The following ST8SIA6 variants were observed in gnomAD, a reference collection of about 807,000 sequenced individuals.
The protein encoded by ST8SIA6 is alpha-2,8-sialyltransferase 8F.
ST8SIA6 carries 39 observed loss-of-function variants against 33.6 expected under a neutral mutation model. The ratio of observed to expected loss-of-function variants is 1.16; its 90% confidence interval spans 0.90 to 1.52. The LOEUF is 1.52. Ranked by LOEUF, ST8SIA6 falls within the 40% of genes most tolerant of loss-of-function variation. ST8SIA6 has a pLI of 0.00. For missense variants in ST8SIA6, 441 were observed against 443.8 expected (o/e 0.99, Z 0.06); for synonymous variants, 172 against 167.2 (o/e 1.03, Z -0.22).
chr10:17,329,028 G>C (rs1170235539), intron 5 of ST8SIA6, among the ~76,000 whole-genome samples: 1 of 152,188 alleles, frequency 6.6e-6, no homozygotes, highest in South Asian at 2.1e-4. Context: ...ATGTGGTTCT[G>C]AGCAGTCCGG....
intron 2 of ST8SIA6, among the ~76,000 whole-genome samples, chr10:17,416,080 T>G (rs961650719): frequency 2.0e-5 from 3 of 152,094 alleles, no homozygotes; most frequent in Non-Finnish European, 4.4e-5. Context: ...AGGGCTGGGA[T>G]TACAGAGGTG....
intron 2 of ST8SIA6, among the ~76,000 whole-genome samples, chr10:17,425,922 C>A (rs1369707631): frequency 6.6e-6 from 1 of 152,226 alleles, no homozygotes; most frequent in Non-Finnish European, 1.5e-5. Context: ...AATGCCCTAA[C>A]TGCAAGTTCC....
Position 17,319,797 on chromosome 10 carries a change from A to G in ST8SIA6, c.*1081T>C, listed in dbSNP as rs1296346803. 6.6e-6 allele frequency: 1 copy of G among 152,202 alleles called. No homozygotes were observed. The highest frequency in any genetic ancestry group is 1.5e-5 in the Non-Finnish European group (1 of 68,028). 9.4% of individuals were successfully genotyped at this position (152,202 alleles called of 1,614,324 possible). ...ATTTTGTTACTTTTACTAATCAATTACATATTTCTAATATCATCAATGGTT... is the reference window on the plus strand; with the variant it reads ...ATTTTGTTACTTTTACTAATCAATTGCATATTTCTAATATCATCAATGGTT... On this transcript the variant is annotated 3_prime_UTR_variant, in exon 8 of 8. Coordinates refer to ENST00000377602, the MANE Select transcript of ST8SIA6 (RefSeq NM_001004470.3).
chr10:17,427,519 A>T (rs1851976491), intron 2 of ST8SIA6, among the ~76,000 whole-genome samples: 1 of 152,360 alleles, frequency 6.6e-6, no homozygotes, highest in African/African-American at 2.4e-5. Context: ...CTGCACCATC[A>T]CAGCATGAGC....
Position 17,442,731 on chromosome 10 carries a change from T to C in ST8SIA6, c.200+10828A>G, listed in dbSNP as rs562153292. ...TGCCTTTAAGAAATAATTATAGATA[T>C]GGGTTTTCAACTCTGCAGGTTTAAA... On this transcript the variant is annotated intron_variant, in intron 2 of 7. Coordinates refer to ENST00000377602, the MANE Select transcript of ST8SIA6 (RefSeq NM_001004470.3). Among the ~76,000 whole-genome samples, 134 of 152,360 alleles carry C rather than the reference T, an allele frequency of 8.8e-4. 4 individuals carry two copies. The South Asian group carries it at 0.026, about 30-fold the overall frequency.
chr10:17,332,137 G>T (rs920030481), intron 4 of ST8SIA6, among the ~76,000 whole-genome samples: 10 of 152,072 alleles, frequency 6.6e-5, no homozygotes, highest in Non-Finnish European at 1.3e-4. Context: ...TCCTTTTTAT[G>T]GCTGCGTAGC....
intron 2 of ST8SIA6, among the ~76,000 whole-genome samples, chr10:17,422,999 A>G (rs1030872848): frequency 4.4e-4 from 67 of 152,328 alleles, no homozygotes; most frequent in South Asian, 1.0e-3. Context: ...ATCCCGTTCA[A>G]TGTAACAGAA....
chr10:17,346,798 CATCT>C (rs1055398039), intron 4 of ST8SIA6, among the ~76,000 whole-genome samples: 4 of 152,124 alleles, frequency 2.6e-5, no homozygotes, highest in South Asian at 4.1e-4. Flanking sequence ...AACAGTCTAT[CATCT>C]ATCTATCTAT....
At chr10:17,443,373 A>G (rs1488002567) in intron 2 of ST8SIA6, among the ~76,000 whole-genome samples, 1 of 152,234 alleles carries the variant, frequency 6.6e-6, no homozygotes, top group Non-Finnish European at 1.5e-5. Flanking sequence ...GGTTCCAGCA[A>G]CCAGTGAGAG....
Position 17,331,445 on chromosome 10 carries a change from A to T in ST8SIA6, c.485T>A (p.Ile162Asn). The change falls in exon 5 of 8, where the codon ATC becomes AAC. Residue 162 changes from isoleucine to asparagine, a missense_variant. Transcript: ENST00000377602. ...ATGAAAAATGTTCTTCTTAATTGGG[A>T]TTTCTTTTTTGCTTTCCACCTCGTA... is the stretch of plus-strand genomic sequence containing the variant. ...MSYEVESKKE[I>N]PIKKNIFHMF... The T allele has an allele frequency of 2.5e-6, 4 of 1,613,520 alleles. No homozygotes were observed. Among genetic ancestry groups the T allele is most frequent in the Non-Finnish European group, 3.4e-6 (4 of 1,179,780 alleles).
chr10:17,391,825 C>T (rs1242349080), intron 2 of ST8SIA6, among the ~76,000 whole-genome samples: 2 of 152,188 alleles, frequency 1.3e-5, no homozygotes, highest in African/African-American at 4.8e-5. Flanking sequence ...TAACCCACTC[C>T]AGGCATAGAC....
Position 17,318,860 on chromosome 10 carries a change from T to C in ST8SIA6, c.*2018A>G, listed in dbSNP as rs1847852717. On this transcript the variant is annotated 3_prime_UTR_variant, in exon 8 of 8. Coordinates refer to ENST00000377602, the MANE Select transcript of ST8SIA6 (RefSeq NM_001004470.3). ...TGTTCTATCATATTTTAGAAAGTTC[T>C]AAGTAATGTTCTGTTTTGGAACAAA... 1 of 392,858 alleles carries C rather than the reference T, an allele frequency of 2.5e-6. No homozygotes were observed. Among genetic ancestry groups the C allele is most frequent in the Admixed American group, 3.3e-5 (1 of 30,262 alleles). 24.3% of individuals were successfully genotyped at this position (392,858 alleles called of 1,614,324 possible).
chr10:17,335,286 T>C (rs1250822445), intron 4 of ST8SIA6, among the ~76,000 whole-genome samples: 10 of 152,252 alleles, frequency 6.6e-5, no homozygotes, highest in Admixed American at 3.9e-4. Context: ...GAAATGTTGA[T>C]GGTAGTGAGT....
chr10:17,370,801 T>A (rs1432285910), intron 3 of ST8SIA6, among the ~76,000 whole-genome samples: 1 of 152,212 alleles, frequency 6.6e-6, no homozygotes, highest in African/African-American at 2.4e-5. Context: ...GAAGCACTTG[T>A]AAGAAACTTG....
At chr10:17,346,339 GCT>G (rs1848832122) in intron 4 of ST8SIA6, among the ~76,000 whole-genome samples, 1 of 152,194 alleles carries the variant, frequency 6.6e-6, no homozygotes, top group Non-Finnish European at 1.5e-5. Flanking sequence ...GGGTGTGCTG[GCT>G]CACATCTGTA....
intron 2 of ST8SIA6, among the ~76,000 whole-genome samples, chr10:17,392,552 A>C (rs1256780666): frequency 1.3e-5 from 2 of 152,162 alleles, no homozygotes; most frequent in Non-Finnish European, 2.9e-5. Context: ...AATGGTTCCA[A>C]AATGGGGAGC....
At chr10:17,375,896 C>T (rs924812443) in intron 3 of ST8SIA6, among the ~76,000 whole-genome samples, 2 of 152,146 alleles carry the variant, frequency 1.3e-5, no homozygotes, top group Admixed American at 6.5e-5. Context: ...TTAAGAGACA[C>T]CCTAGAGGCC....
At chr10:17,445,872 T>C (rs892808524) in intron 2 of ST8SIA6, among the ~76,000 whole-genome samples, 2 of 152,136 alleles carry the variant, frequency 1.3e-5, no homozygotes, top group Non-Finnish European at 2.9e-5. Flanking sequence ...ATTTGTCACG[T>C]ACCATTCCTG....
intron 4 of ST8SIA6, among the ~76,000 whole-genome samples, chr10:17,349,078 G>A (rs1848947890): frequency 6.6e-6 from 1 of 152,122 alleles, no homozygotes; most frequent in South Asian, 2.1e-4. Flanking sequence ...CCTTTTCTAC[G>A]GAAAATAATG....
Sources: gnomAD v4.1 joint callset for allele counts (sites outside exome capture counted in the v4.1 genomes callset) on GRCh38, gnomAD v4.1.1 for gene constraint, MANE v1.5 for transcripts, NCBI Gene and HGNC (gene_info 2026-07-23, HGNC 2026-07-21) for gene names.